PDS5B: variants seen among roughly 807,000 people sequenced by gnomAD.
The protein encoded by PDS5B is sister chromatid cohesion protein PDS5 homolog B.
Under a neutral mutation model 184.1 loss-of-function variants are expected in PDS5B, and 51 were observed. The observed-to-expected ratio is 0.28, with a 90% CI of 0.22 to 0.35. The LOEUF (loss-of-function observed/expected upper bound fraction) is 0.35, where lower values mean the gene tolerates loss of function less well. PDS5B is among the 10% of genes least tolerant of loss of function. The pLI is 1.00. For missense variants in PDS5B, 1,180 were observed against 1,723.3 expected (o/e 0.68, Z 5.58); for synonymous variants, 566 against 569.2 (o/e 0.99, Z 0.08).
At chr13:32,620,095 G>A (rs375020506) in intron 1 of PDS5B, among the ~76,000 whole-genome samples, 51 of 151,976 alleles carry the variant, frequency 3.4e-4, no homozygotes, top group African/African-American at 1.2e-3. Context: ...CAATGCACCC[G>A]GCCCTGGTTA....
At chr13:32,684,148 ATTT>A in intron 11 of PDS5B, 125 bp downstream of exon 11, 1 of 406,720 alleles carries the variant, frequency 2.5e-6, no homozygotes, top group Middle Eastern at 6.8e-4. Flanking sequence ...GTATGGAGGC[ATTT>A]TAATATTTAA....
At chr13:32,640,476 ACCT>A (rs2058641269) in intron 1 of PDS5B, among the ~76,000 whole-genome samples, 1 of 152,052 alleles carries the variant, frequency 6.6e-6, no homozygotes, top group Non-Finnish European at 1.5e-5. Context: ...CAAACTCCTG[ACCT>A]CAGGTGATCT....
Position 32,713,195 on chromosome 13 carries a change from G to A in PDS5B, c.2123+3089G>A, listed in dbSNP as rs183585247. Among the ~76,000 whole-genome samples, 577 of 152,304 alleles carry A rather than the reference G, an allele frequency of 3.8e-3. 4 individuals are homozygous for A. Among genetic ancestry groups the A allele is most frequent in the African/African-American group, 0.013 (558 of 41,552 alleles). On this transcript the variant is annotated intron_variant, in intron 19 of 34. Coordinates refer to ENST00000315596, the MANE Select transcript of PDS5B (RefSeq NM_015032.4). ...CTCTCATTCCTATGCTACTTAGCCA[G>A]GTGATGAAGCAACTGTAGCCTGAGT...
intron 19 of PDS5B, among the ~76,000 whole-genome samples, chr13:32,723,841 GT>G (rs1293172611): frequency 6.6e-6 from 1 of 152,104 alleles, no homozygotes; most frequent in South Asian, 2.1e-4. Flanking sequence ...AAAGATTAGT[GT>G]TTTAGTTATA....
chr13:32,597,428 G>A (rs1221890253), intron 1 of PDS5B, among the ~76,000 whole-genome samples: 1 of 152,010 alleles, frequency 6.6e-6, no homozygotes, highest in Non-Finnish European at 1.5e-5. Flanking sequence ...GCTGGGTGCA[G>A]TGGTATGGTC....
At chr13:32,625,011 T>C (rs1234229114) in intron 1 of PDS5B, among the ~76,000 whole-genome samples, 1 of 152,192 alleles carries the variant, frequency 6.6e-6, no homozygotes, top group Non-Finnish European at 1.5e-5. Context: ...GATAACAGTT[T>C]TCTGCTGGAT....
At chr13:32,770,923 A>C in intron 33 of PDS5B, 162 bp downstream of exon 33, 21 of 616,206 alleles carry the variant, frequency 3.4e-5, no homozygotes, top group Non-Finnish European at 3.5e-5. Context: ...TTGATATCTC[A>C]ATAAACTATC....
intron 1 of PDS5B, among the ~76,000 whole-genome samples, chr13:32,598,156 A>G (rs534165411): frequency 2.0e-5 from 3 of 146,778 alleles, no homozygotes; most frequent in East Asian, 2.0e-4. Context: ...GCGCACTGCA[A>G]CCTCCACCTC....
At chr13:32,666,185 A>G (rs1223889223) in intron 6 of PDS5B, among the ~76,000 whole-genome samples, 6 of 152,108 alleles carry the variant, frequency 3.9e-5, no homozygotes, top group African/African-American at 7.2e-5. Flanking sequence ...GGTTCAAGCA[A>G]TTCTTCTGCC....
At chr13:32,642,209 G>A (rs1593316245) in intron 1 of PDS5B, among the ~76,000 whole-genome samples, 1 of 152,110 alleles carries the variant, frequency 6.6e-6, no homozygotes, top group Admixed American at 6.5e-5. Context: ...TCTACTTTTT[G>A]CTGTAACCAT....
intron 1 of PDS5B, among the ~76,000 whole-genome samples, chr13:32,595,226 C>T (rs1420739488): frequency 1.3e-5 from 2 of 151,954 alleles, no homozygotes; most frequent in African/African-American, 2.4e-5. Context: ...TGCTAGAAAC[C>T]TGGGAGTCAT....
chr13:32,690,168 G>A (rs1192082923), intron 13 of PDS5B: 4 of 152,142 alleles, frequency 2.6e-5, no homozygotes, highest in Admixed American at 2.6e-4. Flanking sequence ...GTGGGAGTGT[G>A]GATTAAAAAG....
intron 30 of PDS5B, 150 bp downstream of exon 30, chr13:32,760,870 C>T (rs1954370973): frequency 5.2e-6 from 4 of 764,268 alleles, no homozygotes; most frequent in Non-Finnish European, 8.3e-6. Flanking sequence ...GTCACAAGTT[C>T]ATACTTATTT....
At position 32,775,791 on chromosome 13, in the gene PDS5B, TATTTTA is replaced by T; in HGVS notation, c.*747_*752del. On this transcript the variant is annotated 3_prime_UTR_variant, in exon 35 of 35. Transcript: ENST00000315596. Reference sequence around the variant, plus strand: ...AAATTTTAAGAAGAAAGATTTAAAGTATTTTAATTTTAAAGAGTGTGTTATAAAATA... The same window carrying T: ...AAATTTTAAGAAGAAAGATTTAAAGTATTTTAAAGAGTGTGTTATAAAATA... The T allele has an allele frequency of 5.3e-6, 2 of 377,490 alleles. No homozygotes were observed. The highest frequency in any genetic ancestry group is 4.1e-5 in the South Asian group (2 of 48,936). 23.4% of individuals were successfully genotyped at this position (377,490 alleles called of 1,614,324 possible).
intron 27 of PDS5B, 35 bp from the exon 28 acceptor site, chr13:32,758,499 T>C: frequency 6.3e-7 from 1 of 1,590,224 alleles, no homozygotes; most frequent in Non-Finnish European, 8.6e-7. Context: ...ATTGCCAGCT[T>C]AAGTATCTGT....
rs1954742601 is a variant in PDS5B at position 32,770,449 on chromosome 13, A to T, written c.3953A>T (p.Lys1318Ile). ...MKTSKKGSKK[K>I]SGPPAPEEEE... ...ACTTCTAAAAAAGGAAGCAAAAAAAAATCTGGACCTCCAGCACCAGAGGAG... is the reference window on the plus strand; with the variant it reads ...ACTTCTAAAAAAGGAAGCAAAAAAATATCTGGACCTCCAGCACCAGAGGAG... Residue 1318 changes from lysine (K) to isoleucine (I), a missense_variant, in exon 32 of 35, where the codon AAA (lysine) becomes ATA (isoleucine). Coordinates refer to ENST00000315596, the MANE Select transcript of PDS5B (RefSeq NM_015032.4). The T allele has an allele frequency of 6.2e-7, 1 of 1,613,652 alleles. No homozygotes were observed. Among genetic ancestry groups the T allele is most frequent in the Non-Finnish European group, 8.5e-7 (1 of 1,179,912 alleles).
intron 1 of PDS5B, among the ~76,000 whole-genome samples, chr13:32,605,152 T>A (rs2058039738): frequency 6.6e-6 from 1 of 152,238 alleles, no homozygotes; most frequent in South Asian, 2.1e-4. Context: ...TTCTTTTAAT[T>A]GTGATGTTAG....
chr13:32,679,816 TCCTC>T (rs1461008993), intron 10 of PDS5B, among the ~76,000 whole-genome samples: 1 of 151,780 alleles, frequency 6.6e-6, no homozygotes, highest in Non-Finnish European at 1.5e-5. Flanking sequence ...CATCCATTCT[TCCTC>T]CCATCTTTGC....
intron 1 of PDS5B, among the ~76,000 whole-genome samples, chr13:32,595,863 T>G (rs142047869): frequency 1.3e-5 from 2 of 152,194 alleles, no homozygotes; most frequent in African/African-American, 2.4e-5. Flanking sequence ...TCCAGCACTT[T>G]AGGAGGCCGA....
Sources: gnomAD v4.1 joint callset for allele counts (sites outside exome capture counted in the v4.1 genomes callset) on GRCh38, gnomAD v4.1.1 for gene constraint, MANE v1.5 for transcripts, NCBI Gene and HGNC (gene_info 2026-07-23, HGNC 2026-07-21) for gene names.